IWS1: variants seen among roughly 807,000 people sequenced by gnomAD.
IWS1 encodes interacts with SUPT6H, CTD assembly factor 1, also known as protein IWS1 homolog.
A neutral mutation model predicts 86.7 loss-of-function variants in IWS1; 27 were observed. The ratio of observed to expected loss-of-function variants is 0.31; its 90% CI spans 0.23 to 0.43. IWS1 has a LOEUF of 0.43. Among genes scored for constraint, IWS1 ranks in the 20% least tolerant of loss-of-function variants. The probability of loss-of-function intolerance (pLI) is 1.00; values close to 1 mark genes in which losing one functional copy is unlikely to be tolerated. For missense variants in IWS1, 827 were observed against 1,000.8 expected (o/e 0.83, Z 2.34); for synonymous variants, 313 against 335.1 (o/e 0.93, Z 0.72).
intron 2 of IWS1, among the ~76,000 whole-genome samples, chr2:127,522,014 A>G (rs1273860501): frequency 6.6e-6 from 1 of 152,234 alleles, no homozygotes; most frequent in Non-Finnish European, 1.5e-5. Context: ...TACATTATTA[A>G]GTAACTTCCA....
chr2:127,496,140 A>G lies in IWS1; in HGVS notation c.1574T>C (p.Phe525Ser). 6.2e-7 allele frequency: 1 copy of G among 1,613,130 alleles called. No homozygotes were observed. The highest frequency in any genetic ancestry group is 8.5e-7 in the Non-Finnish European group (1 of 1,179,650). The change falls in exon 7 of 14, where the codon TTT becomes TCT. Residue 525 changes from phenylalanine (F) to serine (S), a missense_variant. This residue lies in a region of IWS1 where 279 missense variants were observed against 440.6 expected (regional missense o/e 0.63). Coordinates refer to ENST00000295321, the MANE Select transcript of IWS1 (RefSeq NM_017969.3). Reference sequence around the variant, plus strand: ...CAACATCATCTCAAAATCTGACAGAAAGTCCATACTAAAGCAGTAAACAAA... The same window carrying G: ...CAACATCATCTCAAAATCTGACAGAGAGTCCATACTAAAGCAGTAAACAAA... ...DNIKRGKHMD[F>S]LSDFEMMLQR...
chr2:127,499,547 G>T lies in IWS1; in HGVS notation c.1468-1310C>A, dbSNP rs969505212. Among the ~76,000 whole-genome samples the T allele has an allele frequency of 6.6e-6, 1 of 152,080 alleles. No individual in the cohort carries two copies. Among genetic ancestry groups the T allele is most frequent in the Non-Finnish European group, 1.5e-5 (1 of 68,018 alleles). On this transcript the variant is annotated intron_variant, in intron 5 of 13. Coordinates refer to ENST00000295321, the MANE Select transcript of IWS1 (RefSeq NM_017969.3). This position sits in a 1 kb window ranked among gnomAD's most constrained non-coding sequence, Gnocchi z 4.0. ...AGTTGATGTTAAGTCTCCAAAACAG[G>T]TAAGTATACCTTATTCTTACAATAT...
chr2:127,489,106 A>G lies in IWS1; in HGVS notation c.2216+73T>C. Reference sequence around the variant, plus strand: ...ATGAGAGCATAACATCATTTCATTTACTACTTTTCTTAAAGCAGCAAACGG... The same window carrying G: ...ATGAGAGCATAACATCATTTCATTTGCTACTTTTCTTAAAGCAGCAAACGG... On this transcript the variant is annotated intron_variant, in intron 12 of 13. Transcript: ENST00000295321. The surrounding 1 kb of genome is among the most constrained non-coding windows in gnomAD (Gnocchi z 4.8). 1 of 1,031,534 alleles carries G rather than the reference A, an allele frequency of 9.7e-7. No individual in the cohort carries two copies. The highest frequency in any genetic ancestry group is 1.5e-6 in the Non-Finnish European group (1 of 672,300). The allele number at this position is 1,031,534 out of a possible 1,614,324, so 63.9% of individuals were successfully genotyped here. A position where few individuals can be genotyped will look rare whatever the true frequency, so the allele number is the denominator to read the frequency against.
intron 13 of IWS1, chr2:127,482,337 A>C (rs150958583): frequency 6.6e-6 from 1 of 152,172 alleles, no homozygotes; most frequent in Non-Finnish European, 1.5e-5. Flanking sequence ...CTTGACCAAG[A>C]GCCATGTTGA....
intron 2 of IWS1, among the ~76,000 whole-genome samples, chr2:127,517,753 T>C (rs1691854088): frequency 6.6e-6 from 1 of 152,176 alleles, no homozygotes. Flanking sequence ...AACATATGTC[T>C]ACAAAAAATT....
In IWS1 at chr2:127,518,353, T is replaced by A. The variant is rs1454661211; in HGVS notation, c.150+5323A>T. Among the ~76,000 whole-genome samples the A allele has an allele frequency of 3.7e-4, 56 of 152,098 alleles. 1 individual carries two copies. The highest frequency in any genetic ancestry group is 3.5e-3 in the Admixed American group (54 of 15,258). On this transcript the variant is annotated intron_variant, in intron 2 of 13. Transcript: ENST00000295321. Reference sequence around the variant, plus strand: ...CAACATGGCAAAACCCCATTGCTACTATAAATACAAAAATTAGCTGGGCAT... The same window carrying A: ...CAACATGGCAAAACCCCATTGCTACAATAAATACAAAAATTAGCTGGGCAT...
At position 127,504,685 on chromosome 2, in the gene IWS1, T is replaced by A; in HGVS notation, c.1218A>T (p.Ala406=). 6.3e-7 allele frequency: 1 copy of A among 1,592,694 alleles called. No individual in the cohort carries two copies. Among genetic ancestry groups the A allele is most frequent in the South Asian group, 1.2e-5 (1 of 86,476 alleles). ...VLSDSEDEEK[A]SAKKSRVVSD... is the part of the protein sequence containing the mutation. ...AAACAGCCCAAGGTAACTCCTTACA[T>A]GCTTTCTCTTCATCTTCACTATCAG... The change falls in exon 3 of 14, where the codon GCA becomes GCT. Residue 406 remains alanine (A), a splice_region_variant and synonymous_variant. Transcript: ENST00000295321.
At chr2:127,509,139 C>T (rs1314868038) in intron 2 of IWS1, among the ~76,000 whole-genome samples, 1 of 152,102 alleles carries the variant, frequency 6.6e-6, no homozygotes, top group African/African-American at 2.4e-5. Context: ...TACACTTAGA[C>T]AACACCACCA....
intron 2 of IWS1, among the ~76,000 whole-genome samples, chr2:127,508,654 G>T (rs1265826604): frequency 7.9e-5 from 12 of 152,158 alleles, no homozygotes; most frequent in Non-Finnish European, 1.5e-4. Flanking sequence ...AAACACTTGG[G>T]AAGGTTAAGT....
intron 9 of IWS1, 59 bp from the exon 10 acceptor site, chr2:127,492,147 G>T: frequency 1.9e-6 from 2 of 1,075,682 alleles, no homozygotes; most frequent in Non-Finnish European, 2.9e-6. Flanking sequence ...GGTCTTGCTA[G>T]TCTATTCTAG....
At chr2:127,509,597 A>G (rs1691334240) in intron 2 of IWS1, among the ~76,000 whole-genome samples, 1 of 151,638 alleles carries the variant, frequency 6.6e-6, no homozygotes, top group African/African-American at 2.4e-5. Context: ...AGTCCCAGCT[A>G]CTTGAGAGGC....
chr2:127,482,505 C>A (rs1689682732), intron 13 of IWS1: 1 of 152,260 alleles, frequency 6.6e-6, no homozygotes, highest in African/African-American at 2.4e-5. Flanking sequence ...AAATATCTGA[C>A]TTCCTTTTAG....
chr2:127,494,976 A>G (rs1213614716), intron 7 of IWS1, 22 bp from the exon 8 acceptor site: 28 of 1,458,900 alleles, frequency 1.9e-5, no homozygotes, highest in Non-Finnish European at 2.5e-5. Context: ...AAAAATAAAG[A>G]TTTTTTTTTA....
rs972772000 is a variant in IWS1, at chr2:127,489,054, C to A, written c.2216+125G>T. 1 of 659,162 alleles carries A rather than the reference C, an allele frequency of 1.5e-6. No individual in the cohort carries two copies. Among genetic ancestry groups the A allele is most frequent in the East Asian group, 2.7e-5 (1 of 36,688 alleles). 40.8% of individuals were successfully genotyped at this position (659,162 alleles called of 1,614,324 possible). ...AATACAATGCTTTGTAGATACTAAACGTTAAAATGAAAGTCACCTCCCACA... is the reference window on the plus strand; with the variant it reads ...AATACAATGCTTTGTAGATACTAAAAGTTAAAATGAAAGTCACCTCCCACA... On this transcript the variant is annotated intron_variant, in intron 12 of 13. Transcript: ENST00000295321. The surrounding 1 kb of genome is among the most constrained non-coding windows in gnomAD (Gnocchi z 4.8).
intron 2 of IWS1, among the ~76,000 whole-genome samples, chr2:127,517,949 G>A (rs1200087615): frequency 6.6e-6 from 1 of 152,152 alleles, no homozygotes; most frequent in Non-Finnish European, 1.5e-5. Flanking sequence ...TATGCTAAGT[G>A]AAATAAGTCA....
chr2:127,496,280 T>C, intron 6 of IWS1, 132 bp from the exon 7 acceptor site: 1 of 982,344 alleles, frequency 1.0e-6, no homozygotes, highest in Non-Finnish European at 1.5e-6. Flanking sequence ...AAAGTGCAAA[T>C]ACAGTCATGC....
chr2:127,497,945 A>C (rs531891832), intron 6 of IWS1, among the ~76,000 whole-genome samples, 195 bp downstream of exon 6: 1 of 152,362 alleles, frequency 6.6e-6, no homozygotes, highest in African/African-American at 2.4e-5. Context: ...AAAGTAAGAC[A>C]TCTGAGCACA....
chr2:127,520,408 C>T (rs1236790674), intron 2 of IWS1, among the ~76,000 whole-genome samples: 4 of 152,146 alleles, frequency 2.6e-5, no homozygotes, highest in Admixed American at 6.5e-5. Context: ...ACCTCATGAT[C>T]CACCCACCTC....
intron 2 of IWS1, among the ~76,000 whole-genome samples, chr2:127,518,562 CTTTTTTTT>C (rs747745807): frequency 8.6e-6 from 1 of 116,868 alleles, no homozygotes; most frequent in South Asian, 2.7e-4. Flanking sequence ...ACAGGCGATT[CTTTTTTTT>C]TTTTTTTTTT....
Sources: allele counts gnomAD v4.1 joint callset (sites outside exome capture counted in the v4.1 genomes callset), GRCh38; gene constraint gnomAD v4.1.1; regional missense constraint gnomAD v4.1.1; non-coding constraint Gnocchi (gnomAD v3.1); transcripts MANE v1.5; gene names NCBI Gene and HGNC (gene_info 2026-07-23, HGNC 2026-07-21).